LDB2: variants seen among roughly 807,000 people sequenced by gnomAD.
LDB2 encodes LIM domain-binding protein 2.
LDB2 carries 12 observed loss-of-function variants against 44.3 expected under a neutral mutation model. The observed-to-expected ratio is 0.27, with a 90% CI of 0.17 to 0.44. The LOEUF (loss-of-function observed/expected upper bound fraction) is 0.44. Among genes scored for constraint, LDB2 ranks in the 20% least tolerant of loss-of-function variants. LDB2 has a pLI of 1.00. For missense variants in LDB2, 344 were observed against 473.5 expected, an observed-to-expected ratio of 0.73 and a Z score of 2.54; for synonymous variants, 164 against 174.8, an observed-to-expected ratio of 0.94 and a Z score of 0.49.
chr4:16,804,377 G>A (rs988431652), intron 1 of LDB2, among the ~76,000 whole-genome samples: 1 of 152,112 alleles, frequency 6.6e-6, no homozygotes, highest in African/African-American at 2.4e-5. Flanking sequence ...CTCTGCCTAG[G>A]GGTAAATGAG....
At chr4:16,602,132 A>G (rs1722733898) in intron 2 of LDB2, among the ~76,000 whole-genome samples, 1 of 152,152 alleles carries the variant, frequency 6.6e-6, no homozygotes, top group Non-Finnish European at 1.5e-5. Flanking sequence ...TCAAAGATTC[A>G]TTTATTTCAT....
At chr4:16,818,011 T>G (rs1781260173) in intron 1 of LDB2, among the ~76,000 whole-genome samples, 1 of 152,194 alleles carries the variant, frequency 6.6e-6, no homozygotes, top group Non-Finnish European at 1.5e-5. Context: ...GGCTAAGTGA[T>G]TCTCTGCTCC....
intron 2 of LDB2, among the ~76,000 whole-genome samples, chr4:16,686,412 T>C (rs757718828): frequency 6.6e-6 from 1 of 152,234 alleles, no homozygotes; most frequent in Non-Finnish European, 1.5e-5. Context: ...GAGGTTCCAA[T>C]GGCTTAAGCA....
At chr4:16,721,565 A>G (rs183443269) in intron 2 of LDB2, among the ~76,000 whole-genome samples, 1 of 152,302 alleles carries the variant, frequency 6.6e-6, no homozygotes. Context: ...AATTCAGATC[A>G]TCCAACAAAA....
At position 16,515,663 on chromosome 4, in the gene LDB2, G is replaced by A. The variant is rs1472516919; in HGVS notation, c.616-3559C>T. On this transcript the variant is annotated intron_variant, in intron 5 of 7. Coordinates refer to ENST00000304523, the MANE Select transcript of LDB2 (RefSeq NM_001290.5). ...ATCCTAAAGACTAGGAAACATTTTA[G>A]AGTATTTTTTTTAGTATTTAAAACA... Among the ~76,000 whole-genome samples, 5 of 152,066 alleles carry A rather than the reference G, an allele frequency of 3.3e-5. No homozygotes were observed. In the East Asian group the frequency reaches 9.6e-4, roughly 29 times the overall value.
At chr4:16,794,900 T>C (rs2109657085) in intron 1 of LDB2, among the ~76,000 whole-genome samples, 1 of 152,302 alleles carries the variant, frequency 6.6e-6, no homozygotes, top group Admixed American at 6.5e-5. Flanking sequence ...CAATCATGTG[T>C]TCATTTACTC....
chr4:16,742,166 G>A (rs1271714006), intron 2 of LDB2, among the ~76,000 whole-genome samples: 1 of 150,040 alleles, frequency 6.7e-6, no homozygotes, highest in African/African-American at 2.5e-5. Context: ...CCGCCTTTCG[G>A]GTTCAAGCGA....
At chr4:16,827,684 A>C (rs763661475) in intron 1 of LDB2, among the ~76,000 whole-genome samples, 56 of 152,210 alleles carry the variant, frequency 3.7e-4, no homozygotes, top group Non-Finnish European at 7.3e-4. Flanking sequence ...CAATATTCAC[A>C]TTTTGCCAGA....
chr4:16,522,977 T>C lies in LDB2; in HGVS notation c.616-10873A>G, dbSNP rs189434519. Among the ~76,000 whole-genome samples the C allele has an allele frequency of 4.5e-3, 682 of 152,320 alleles. 4 individuals are homozygous for C. Among genetic ancestry groups the C allele is most frequent in the African/African-American group, 0.015 (633 of 41,572 alleles). The stretch of plus-strand genomic sequence containing the variant: ...AAAGATTCTTATTGACGAATTATTG[T>C]CCTTCAGTTCAGCCAAGGCACTAAA... On this transcript the variant is annotated intron_variant, in intron 5 of 7. Transcript: ENST00000304523.
chr4:16,819,180 G>C (rs1466840092), intron 1 of LDB2, among the ~76,000 whole-genome samples: 3 of 151,976 alleles, frequency 2.0e-5, no homozygotes, highest in Non-Finnish European at 4.4e-5. Context: ...AGATAGAAAA[G>C]TGTGAAGGCC....
intron 1 of LDB2, among the ~76,000 whole-genome samples, chr4:16,879,173 G>A (rs1006861980): frequency 1.3e-5 from 2 of 152,156 alleles, no homozygotes; most frequent in Non-Finnish European, 2.9e-5. Context: ...TGGATCTGCT[G>A]AAGAACATAT....
chr4:16,766,465 T>C (rs564862402), intron 1 of LDB2, among the ~76,000 whole-genome samples: 742 of 16,180 alleles, frequency 0.046, 11 homozygotes, highest in African/African-American at 0.072. Flanking sequence ...TACACACACA[T>C]ATATGTGTGT....
chr4:16,610,724 C>T (rs1021678599), intron 2 of LDB2, among the ~76,000 whole-genome samples: 5 of 151,766 alleles, frequency 3.3e-5, no homozygotes, highest in African/African-American at 2.4e-5. Flanking sequence ...ATAAAAAGAC[C>T]GAACCTACGA....
At chr4:16,690,866 TAC>T (rs1241595871) in intron 2 of LDB2, among the ~76,000 whole-genome samples, 1 of 152,178 alleles carries the variant, frequency 6.6e-6, no homozygotes, top group Non-Finnish European at 1.5e-5. Flanking sequence ...GTATTTTTAA[TAC>T]AGTTAAAATG....
chr4:16,667,061 A>G (rs1211744565), intron 2 of LDB2, among the ~76,000 whole-genome samples: 1 of 152,188 alleles, frequency 6.6e-6, no homozygotes, highest in African/African-American at 2.4e-5. Flanking sequence ...GTCAAGGGCC[A>G]CCTGAACCTT....
chr4:16,515,612 A>G (rs1200058428), intron 5 of LDB2, among the ~76,000 whole-genome samples: 3 of 152,348 alleles, frequency 2.0e-5, no homozygotes, highest in African/African-American at 7.2e-5. Flanking sequence ...TTATTAAGCA[A>G]GAATGGTAAG....
rs558224657 is a variant in LDB2 at position 16,819,297 on chromosome 4, T to C, written c.133-60037A>G. 3.9e-5 allele frequency among the ~76,000 whole-genome samples: 6 copies of C among 152,052 alleles called. 1 individual carries two copies. The East Asian group carries it at 1.2e-3, about 29-fold the overall frequency. On this transcript the variant is annotated intron_variant, in intron 1 of 7. Transcript: ENST00000304523. ...TGTATAAAACAGAGGCTATATCTAA[T>C]TCATTTCGAACAAGACCCTGAATAA...
chr4:16,734,748 G>A (rs939452637), intron 2 of LDB2, among the ~76,000 whole-genome samples: 2 of 136,398 alleles, frequency 1.5e-5, no homozygotes, highest in Non-Finnish European at 3.1e-5. Flanking sequence ...TGCTCTCGTT[G>A]CCCAGGCTGG....
chr4:16,743,712 A>C (rs966863263), intron 2 of LDB2, among the ~76,000 whole-genome samples: 7 of 152,054 alleles, frequency 4.6e-5, no homozygotes, highest in East Asian at 1.9e-4. Context: ...AGAAAAAAAA[A>C]CCCAGAAACC....
Sources: gnomAD v4.1 joint callset for allele counts (sites outside exome capture counted in the v4.1 genomes callset) on GRCh38, gnomAD v4.1.1 for gene constraint, MANE v1.5 for transcripts, NCBI Gene and HGNC (gene_info 2026-07-23, HGNC 2026-07-21) for gene names.